MALRD1: variants seen among roughly 807,000 people sequenced by gnomAD.
MALRD1 encodes the protein MAM and LDL-receptor class A domain-containing protein 1.
Under a neutral mutation model 242.1 loss-of-function variants are expected in MALRD1, and 247 were observed. That is an observed-to-expected ratio of 1.02 (90% CI 0.92 to 1.13). MALRD1 has a LOEUF of 1.13. Ranked by LOEUF, MALRD1 falls within the 50% of genes most tolerant of loss-of-function variation. The pLI is 0.00. For synonymous variants in MALRD1, 995 were observed against 866.6 expected (o/e 1.15, Z -2.60); for missense variants, 2,989 against 2,533.1 (o/e 1.18, Z -3.86).
intron 32 of MALRD1, among the ~76,000 whole-genome samples, chr10:19,551,880 G>A (rs1162458621): frequency 1.3e-5 from 2 of 152,048 alleles, no homozygotes; most frequent in African/African-American, 2.4e-5. Flanking sequence ...TTGTTTATGC[G>A]ATGAATCACA....
At chr10:19,393,508 T>C (rs921450568) in intron 28 of MALRD1, among the ~76,000 whole-genome samples, 1 of 145,706 alleles carries the variant, frequency 6.9e-6, no homozygotes, top group South Asian at 2.2e-4. Flanking sequence ...TGCAGTGGTG[T>C]GATCTCGGCT....
chr10:19,136,573 G>T lies in MALRD1; in HGVS notation c.1204-1G>T. The T allele has an allele frequency of 2.4e-6, 3 of 1,227,692 alleles. No homozygotes were observed. The highest frequency in any genetic ancestry group is 3.0e-6 in the Non-Finnish European group (3 of 984,364). The allele number at this position is 1,227,692 out of a possible 1,614,324, so 76.0% of individuals were successfully genotyped here. On this transcript the variant is annotated splice_acceptor_variant, in intron 9 of 39. Transcript: ENST00000454679. LOFTEE classifies it high-confidence loss of function. Reference sequence around the variant, plus strand: ...ATAAATTAATCTTTTCCTTCCTAAAGATTATTTTTGAAGGGACTCTTTTGA... The same window carrying T: ...ATAAATTAATCTTTTCCTTCCTAAATATTATTTTTGAAGGGACTCTTTTGA...
chr10:19,687,080 A>T (rs1367261148), intron 36 of MALRD1, among the ~76,000 whole-genome samples: 1 of 151,986 alleles, frequency 6.6e-6, no homozygotes, highest in African/African-American at 2.4e-5. Context: ...ACTGATTCTA[A>T]TAATTTCCTA....
intron 36 of MALRD1, among the ~76,000 whole-genome samples, chr10:19,622,771 T>G (rs746681987): frequency 1.4e-4 from 22 of 151,892 alleles, no homozygotes; most frequent in Non-Finnish European, 2.8e-4. Flanking sequence ...AAAGCTCTTA[T>G]TATTAAACTG....
At chr10:19,664,375 G>A (rs1016638297) in intron 36 of MALRD1, among the ~76,000 whole-genome samples, 1 of 151,924 alleles carries the variant, frequency 6.6e-6, no homozygotes, top group Non-Finnish European at 1.5e-5. Flanking sequence ...GAATAATCAT[G>A]CACTCCAGGG....
intron 28 of MALRD1, among the ~76,000 whole-genome samples, chr10:19,414,179 A>G (rs1833407869): frequency 6.6e-6 from 1 of 152,118 alleles, no homozygotes; most frequent in South Asian, 2.1e-4. Context: ...AAAATTATGG[A>G]TAAATAATTC....
intron 12 of MALRD1, among the ~76,000 whole-genome samples, chr10:19,156,347 G>A (rs543388585): frequency 2.0e-5 from 3 of 149,568 alleles, no homozygotes; most frequent in Non-Finnish European, 3.0e-5. Context: ...AAGAATTAAA[G>A]CAAATGCCTG....
intron 8 of MALRD1, among the ~76,000 whole-genome samples, chr10:19,129,950 A>ATC (rs927444456): frequency 1.3e-5 from 2 of 150,576 alleles, no homozygotes; most frequent in Non-Finnish European, 3.0e-5. Context: ...ATATATATAT[A>ATC]TCTCTATCTC....
chr10:19,404,653 T>A (rs1257239603), intron 28 of MALRD1, among the ~76,000 whole-genome samples: 3 of 152,104 alleles, frequency 2.0e-5, no homozygotes, highest in Non-Finnish European at 1.5e-5. Flanking sequence ...AGAGTCACTT[T>A]GTTTTCCTAG....
intron 36 of MALRD1, among the ~76,000 whole-genome samples, chr10:19,671,655 C>T (rs534917374): frequency 3.3e-5 from 5 of 152,244 alleles, no homozygotes; most frequent in East Asian, 1.9e-4. Context: ...AAATATTTAT[C>T]GCTACAAACA....
At chr10:19,110,183 A>T (rs767378413) in intron 5 of MALRD1, among the ~76,000 whole-genome samples, 1 of 152,128 alleles carries the variant, frequency 6.6e-6, no homozygotes, top group Non-Finnish European at 1.5e-5. Context: ...TGGAGGGAAA[A>T]TACATTAAGC....
intron 28 of MALRD1, among the ~76,000 whole-genome samples, chr10:19,403,585 C>A (rs1589028400): frequency 6.6e-6 from 1 of 152,046 alleles, no homozygotes; most frequent in Non-Finnish European, 1.5e-5. Flanking sequence ...GACTTAGAGA[C>A]TTAAGGTTAA....
chr10:19,667,422 T>C (rs1012996080), intron 36 of MALRD1, among the ~76,000 whole-genome samples: 8 of 152,164 alleles, frequency 5.3e-5, no homozygotes, highest in Non-Finnish European at 1.0e-4. Context: ...ATACTTTGGA[T>C]CTGTGTCCCT....
intron 21 of MALRD1, among the ~76,000 whole-genome samples, chr10:19,285,040 T>A (rs1841037826): frequency 1.8e-5 from 2 of 113,184 alleles, no homozygotes; most frequent in Admixed American, 1.0e-4. Context: ...TTTGGCTGCA[T>A]AAATGTCTTC....
chr10:19,583,272 T>C (rs1178318925), intron 33 of MALRD1, among the ~76,000 whole-genome samples: 24 of 147,110 alleles, frequency 1.6e-4, no homozygotes, highest in South Asian at 2.2e-4. Context: ...TGAATAGGAG[T>C]GGTGAGAGAG....
At chr10:19,715,631 G>T (rs1482193135) in intron 38 of MALRD1, among the ~76,000 whole-genome samples, 2 of 152,166 alleles carry the variant, frequency 1.3e-5, no homozygotes, top group African/African-American at 4.8e-5. Flanking sequence ...CATTTGGACT[G>T]CTATAAAGAA....
intron 26 of MALRD1, among the ~76,000 whole-genome samples, chr10:19,382,306 T>C (rs1329785328): frequency 6.6e-6 from 1 of 151,992 alleles, no homozygotes; most frequent in Admixed American, 6.6e-5. Flanking sequence ...GTGTGATGCA[T>C]GGGATGACAT....
chr10:19,131,721 TAG>T (rs1164833448), intron 8 of MALRD1, among the ~76,000 whole-genome samples: 6 of 152,168 alleles, frequency 3.9e-5, no homozygotes. Flanking sequence ...CTCTAAGAGA[TAG>T]AGTGTTAATA....
chr10:19,712,642 C>T (rs940938261), intron 38 of MALRD1, among the ~76,000 whole-genome samples: 1 of 152,124 alleles, frequency 6.6e-6, no homozygotes, highest in Non-Finnish European at 1.5e-5. Context: ...TTCAATCAAA[C>T]AGATTATGTG....
Sources: gnomAD v4.1 joint callset for allele counts (sites outside exome capture counted in the v4.1 genomes callset) on GRCh38, gnomAD v4.1.1 for gene constraint, MANE v1.5 for transcripts, NCBI Gene and HGNC (gene_info 2026-07-23, HGNC 2026-07-21) for gene names.